STK10: variants seen among roughly 807,000 people sequenced by gnomAD.
The protein encoded by STK10 is serine/threonine-protein kinase 10.
Under a neutral mutation model 113.8 loss-of-function variants are expected in STK10, and 78 were observed. The observed-to-expected ratio is 0.69, with a 90% CI of 0.57 to 0.83. The LOEUF is 0.83. STK10 is among the 40% of genes least tolerant of loss of function. The pLI is 0.00. For synonymous variants in STK10, 465 were observed against 494.7 expected (o/e 0.94, Z 0.80); for missense variants, 1,109 against 1,280.1 (o/e 0.87, Z 2.04).
At chr5:172,124,993 T>C (rs1769590893) in intron 3 of STK10, among the ~76,000 whole-genome samples, 1 of 152,208 alleles carries the variant, frequency 6.6e-6, no homozygotes, top group Non-Finnish European at 1.5e-5. Context: ...TATAGAGACT[T>C]TGAGAGAGTT....
chr5:172,182,372 T>G (rs985019920), intron 1 of STK10, among the ~76,000 whole-genome samples: 1 of 151,610 alleles, frequency 6.6e-6, no homozygotes, highest in African/African-American at 2.4e-5. Context: ...ATTTTCTATT[T>G]TTTGTTTTGT....
At chr5:172,170,612 C>T (rs1404790126) in intron 1 of STK10, among the ~76,000 whole-genome samples, 2 of 152,178 alleles carry the variant, frequency 1.3e-5, no homozygotes, top group South Asian at 2.1e-4. Flanking sequence ...AATGTTGAGC[C>T]GCAAAAGTTC....
At chr5:172,067,982 A>G (rs1363937831) in intron 12 of STK10, among the ~76,000 whole-genome samples, 2 of 152,244 alleles carry the variant, frequency 1.3e-5, no homozygotes, top group African/African-American at 4.8e-5. Context: ...TAATGACTCC[A>G]GTGACCATGG....
At chr5:172,057,004 G>GAAAGAAAGAGAGAGAGAGAGA (rs1554115578) in intron 15 of STK10, 1 of 73,394 alleles carries the variant, frequency 1.4e-5, no homozygotes, top group African/African-American at 5.1e-5. Context: ...AGAGAAAGAA[G>GAAAGAAAGAGAGAGAGAGAGA]GAAAGAAAGA....
intron 1 of STK10, among the ~76,000 whole-genome samples, chr5:172,168,691 C>A (rs1046482188): frequency 3.9e-5 from 6 of 152,164 alleles, no homozygotes; most frequent in African/African-American, 1.4e-4. Flanking sequence ...AAAAGGGAGG[C>A]CCAGGCAGAG....
At chr5:172,060,638 C>A (rs1030729231) in intron 14 of STK10, among the ~76,000 whole-genome samples, 1 of 152,176 alleles carries the variant, frequency 6.6e-6, no homozygotes, top group Admixed American at 6.6e-5. Flanking sequence ...TGATAAGCCA[C>A]CCAGTCAGTG....
intron 2 of STK10, among the ~76,000 whole-genome samples, chr5:172,132,797 G>C (rs1388100582): frequency 6.6e-6 from 1 of 152,182 alleles, no homozygotes; most frequent in Non-Finnish European, 1.5e-5. Flanking sequence ...TGAGCTCCTA[G>C]TGCGTGGCAA....
chr5:172,045,378 C>T (rs1767474814), intron 18 of STK10: 1 of 493,470 alleles, frequency 2.0e-6, no homozygotes, highest in Non-Finnish European at 3.9e-6. Flanking sequence ...GACTGAGCAG[C>T]AAAGGAAGCA....
rs1000174272 is a variant in STK10, at chr5:172,055,746, G to A, written c.2368C>T (p.Arg790Cys). 7.1e-6 allele frequency: 11 copies of A among 1,542,548 alleles called. No individual in the cohort carries two copies. Among genetic ancestry groups the A allele is most frequent in the East Asian group, 4.8e-5 (2 of 41,678 alleles). The change falls in exon 16 of 19, where the codon CGC becomes TGC. Residue 790 changes from arginine to cysteine, a missense_variant. Coordinates refer to ENST00000176763, the MANE Select transcript of STK10 (RefSeq NM_005990.4). ...CGCACCTTCAGCTGCTCTATCATGCGCTGGTTGTAGCGCTGCATCTGCTCC... is the reference window on the plus strand; with the variant it reads ...CGCACCTTCAGCTGCTCTATCATGCACTGGTTGTAGCGCTGCATCTGCTCC... The part of the protein sequence containing the change: ...EREQMQRYNQ[R>C]MIEQLKVRQQ...
At chr5:172,105,485 T>C (rs1769079116) in intron 7 of STK10, 171 bp downstream of exon 7, 2 of 684,780 alleles carry the variant, frequency 2.9e-6, no homozygotes, top group Non-Finnish European at 5.0e-6. Flanking sequence ...CCCAAGGCAC[T>C]CCCAACACAG....
intron 1 of STK10, among the ~76,000 whole-genome samples, chr5:172,185,422 C>T (rs1169822362): frequency 6.6e-6 from 1 of 152,142 alleles, no homozygotes; most frequent in Non-Finnish European, 1.5e-5. Flanking sequence ...GCATGCATCA[C>T]CATGCCCGGC....
At chr5:172,052,740 T>C (rs1581130661) in intron 18 of STK10, among the ~76,000 whole-genome samples, 189 bp downstream of exon 18, 1 of 152,040 alleles carries the variant, frequency 6.6e-6, no homozygotes, top group South Asian at 2.1e-4. Context: ...CTTCCAGAGG[T>C]GGAAGCTGCA....
Position 172,042,744 on chromosome 5 carries a change from A to G in STK10, c.*2138T>C, listed in dbSNP as rs1282832309. On this transcript the variant is annotated 3_prime_UTR_variant, in exon 19 of 19. Coordinates refer to ENST00000176763, the MANE Select transcript of STK10 (RefSeq NM_005990.4). ...TTGTCTCATTTGTGAGAGACCTAAA[A>G]AACACCCCCATCTGGGTCAAATTCT... The G allele has an allele frequency of 2.0e-5, 3 of 152,218 alleles. No homozygotes were observed. Among genetic ancestry groups the G allele is most frequent in the African/African-American group, 7.2e-5 (3 of 41,452 alleles). 9.4% of individuals were successfully genotyped at this position (152,218 alleles called of 1,614,324 possible). A position where few individuals can be genotyped will look rare whatever the true frequency, so the allele number is the denominator to read the frequency against.
chr5:172,107,721 G>C, intron 5 of STK10, 59 bp downstream of exon 5: 1 of 1,563,120 alleles, frequency 6.4e-7, no homozygotes, highest in Non-Finnish European at 8.8e-7. Context: ...GCGCCTGGTG[G>C]TCACCTTGGA....
Position 172,044,645 on chromosome 5 carries a change from G to A in STK10, c.*237C>T. ...CTTGAAGGGATCTGGGGCTCAAGGA[G>A]AATATACATTAGGTTCAGGTGACAA... On this transcript the variant is annotated 3_prime_UTR_variant, in exon 19 of 19. Transcript: ENST00000176763. The surrounding 1 kb of genome is among the most constrained non-coding windows in gnomAD (Gnocchi z 4.5). 1 of 609,308 alleles carries A rather than the reference G, an allele frequency of 1.6e-6. No individual in the cohort carries two copies. Among genetic ancestry groups the A allele is most frequent in the Non-Finnish European group, 2.8e-6 (1 of 351,478 alleles). 37.7% of individuals were successfully genotyped at this position (609,308 alleles called of 1,614,324 possible). A position where few individuals can be genotyped will look rare whatever the true frequency, so the allele number is the denominator to read the frequency against.
chr5:172,054,658 G>A lies in STK10; in HGVS notation c.2563C>T (p.Arg855Trp), dbSNP rs754651618. 4.3e-5 allele frequency: 69 copies of A among 1,610,756 alleles called. No homozygotes were observed. Among genetic ancestry groups the A allele is most frequent in the South Asian group, 1.6e-4 (15 of 91,086 alleles). The change falls in exon 17 of 19, where the codon CGG becomes TGG. Residue 855 changes from arginine (R) to tryptophan (W), a missense_variant. By Grantham distance (101) the Arg-to-Trp change is moderately radical (BLOSUM62 -3). Transcript: ENST00000176763. Reference sequence around the variant, plus strand: ...TCGTGTTTCTGCTGTTGCTGCAGCCGCTCCGACTTCTGCCTCTTCTCCTCC... The same window carrying A: ...TCGTGTTTCTGCTGTTGCTGCAGCCACTCCGACTTCTGCCTCTTCTCCTCC... ...QQEEKRQKSE[R>W]LQQQQKHENQ... is the part of the protein sequence containing the mutation.
chr5:172,188,203 T>C lies in STK10; in HGVS notation c.-161A>G, dbSNP rs910149103. The C allele has an allele frequency of 8.8e-6, 11 of 1,250,490 alleles. No homozygotes were observed. Among genetic ancestry groups the C allele is most frequent in the African/African-American group, 8.0e-5 (5 of 62,322 alleles). 77.5% of individuals were successfully genotyped at this position (1,250,490 alleles called of 1,614,324 possible). A position where few individuals can be genotyped will look rare whatever the true frequency, so the allele number is the denominator to read the frequency against. ...AGCCCGACCTCGGTCAAGTGTGCCCTGGGCAGCGCCGCGCCGGGAGCACCC... is the reference window on the plus strand; with the variant it reads ...AGCCCGACCTCGGTCAAGTGTGCCCCGGGCAGCGCCGCGCCGGGAGCACCC... On this transcript the variant is annotated 5_prime_UTR_variant, in exon 1 of 19. Transcript: ENST00000176763. The surrounding 1 kb of genome is among the most constrained non-coding windows in gnomAD (Gnocchi z 5.6).
In STK10 at chr5:172,082,504, G is replaced by A; in HGVS notation, c.1811C>T (p.Ala604Val). ...TTCCGTGTCAAAGAACTTCTTCTTG[G>A]CCTGAAAGGAGCAGAAATTCTGAGA... is the stretch of plus-strand genomic sequence containing the variant. ...MHKRFEQEIN[A>V]KKKFFDTELE... Residue 604 changes from alanine to valine, a missense_variant and splice_region_variant, in exon 12 of 19, where the codon GCC (alanine) becomes GTC (valine). Physicochemically the swap from Ala to Val is moderately conservative, Grantham distance 64. Around this residue, in one of 5 missense-constraint regions of STK10, gnomAD observed 885 missense variants for 991.1 expected, o/e 0.89. Transcript: ENST00000176763. The surrounding 1 kb of genome is among the most constrained non-coding windows in gnomAD (Gnocchi z 4.3). 1 of 1,578,710 alleles carries A rather than the reference G, an allele frequency of 6.3e-7. No homozygotes were observed. Among genetic ancestry groups the A allele is most frequent in the Non-Finnish European group, 8.6e-7 (1 of 1,166,272 alleles).
intron 2 of STK10, among the ~76,000 whole-genome samples, chr5:172,134,250 T>C (rs977011248): frequency 8.5e-5 from 13 of 152,186 alleles, no homozygotes; most frequent in African/African-American, 2.9e-4. Context: ...ATCACCAGTG[T>C]TCCTTTTTAT....
Sources: gnomAD v4.1 joint callset for allele counts (sites outside exome capture counted in the v4.1 genomes callset) on GRCh38, gnomAD v4.1.1 for gene constraint, gnomAD v4.1.1 regional missense constraint, Gnocchi (gnomAD v3.1) non-coding constraint, MANE v1.5 for transcripts, NCBI Gene and HGNC (gene_info 2026-07-23, HGNC 2026-07-21) for gene names.